TOGARAM2: variants seen among roughly 807,000 people sequenced by gnomAD.
TOGARAM2 encodes TOG array regulator of axonemal microtubules 2.
Under a neutral mutation model 93.3 loss-of-function variants are expected in TOGARAM2, and 85 were observed. The observed-to-expected ratio is 0.91, with a 90% CI of 0.76 to 1.09. The LOEUF (loss-of-function observed/expected upper bound fraction) is 1.09, where lower values mean the gene tolerates loss of function less well. TOGARAM2 is among the 50% of genes least tolerant of loss of function. The pLI is 0.00. For missense variants in TOGARAM2, 1,277 were observed against 1,334.5 expected, an observed-to-expected ratio of 0.96 and a Z score of 0.67; for synonymous variants, 593 against 552.8, an observed-to-expected ratio of 1.07 and a Z score of -1.02.
Position 29,022,246 on chromosome 2 carries a change from G to GCCTTTCTCGAA in TOGARAM2, c.1452_1462dup (p.Pro488LeufsTer9), listed in dbSNP as rs1665001851. On this transcript the variant is annotated frameshift_variant, in exon 11 of 20. Transcript: ENST00000379558. LOFTEE classifies it high-confidence loss of function. Reference sequence around the variant, plus strand: ...ATCTTAGAGCCTGTAAGGAGTTGAGGCCTTTCTCGAACCCGGAGCTGGGGC... The same window carrying GCCTTTCTCGAA: ...ATCTTAGAGCCTGTAAGGAGTTGAGGCCTTTCTCGAACCTTTCTCGAACCCGGAGCTGGGGC... 3.7e-6 allele frequency: 6 copies of GCCTTTCTCGAA among 1,614,038 alleles called. No individual in the cohort carries two copies. The highest frequency in any genetic ancestry group is 5.1e-6 in the Non-Finnish European group (6 of 1,179,890).
At chr2:28,980,519 G>A (rs1425203765), upstream of TOGARAM2, among the ~76,000 whole-genome samples, 1 of 152,222 alleles carries the variant, frequency 6.6e-6, no homozygotes, top group Non-Finnish European at 1.5e-5. Flanking sequence ...TGAGTCCTTG[G>A]CTTCCACTGT....
At chr2:29,034,691 C>T (rs531619990) in intron 16 of TOGARAM2, among the ~76,000 whole-genome samples, 1 of 152,232 alleles carries the variant, frequency 6.6e-6, no homozygotes, top group East Asian at 1.9e-4. Context: ...GGCTAGGGGG[C>T]TGTGATGGGC....
At chr2:28,979,108 C>T (rs948206635), upstream of TOGARAM2, among the ~76,000 whole-genome samples, 1 of 152,034 alleles carries the variant, frequency 6.6e-6, no homozygotes, top group Non-Finnish European at 1.5e-5. Context: ...GCCTGGCTGC[C>T]CTCCCCACCT....
At position 29,011,449 on chromosome 2, in the gene TOGARAM2, T is replaced by C; in HGVS notation, c.831-6T>C. 1 of 1,610,918 alleles carries C rather than the reference T, an allele frequency of 6.2e-7. No individual in the cohort carries two copies. The highest frequency in any genetic ancestry group is 8.5e-7 in the Non-Finnish European group (1 of 1,178,648). ...ATGATGCTTTTCTCTCCCCCGTTCT[T>C]TTAAGATTGGCTCGGGGGAGTGGGC... On this transcript the variant is annotated splice_region_variant and splice_polypyrimidine_tract_variant and intron_variant, in intron 6 of 19. Coordinates refer to ENST00000379558, the MANE Select transcript of TOGARAM2 (RefSeq NM_199280.4).
chr2:29,022,019 T>G (rs1222227645), intron 10 of TOGARAM2, 139 bp from the exon 11 acceptor site: 2 of 1,130,138 alleles, frequency 1.8e-6, no homozygotes, highest in East Asian at 4.7e-5. Flanking sequence ...CACCAGGCAC[T>G]TCCACTTGTA....
chr2:28,995,391 G>C (rs957297993), intron 2 of TOGARAM2, among the ~76,000 whole-genome samples: 3 of 152,212 alleles, frequency 2.0e-5, no homozygotes, highest in African/African-American at 7.2e-5. Context: ...GTGCTAGCAA[G>C]GTGCAGAGCT....
intron 1 of TOGARAM2, among the ~76,000 whole-genome samples, chr2:28,962,206 C>G (rs1487532249): frequency 2.0e-5 from 3 of 149,412 alleles, no homozygotes; most frequent in African/African-American, 7.4e-5. Context: ...GACAGAGTCT[C>G]GCTCTGTCAC....
In TOGARAM2 at chr2:29,003,586, C is replaced by A; in HGVS notation, c.734C>A (p.Thr245Lys). ...IVIPPIPKAR[T>K]VAATPSRVPG... ...ATCCCACCCATCCCAAAGGCCAGGA[C>A]GGTTGCAGCGACCCCCTCCCGTGTG... The change falls in exon 6 of 20, where the codon ACG becomes AAG. Residue 245 changes from threonine to lysine, a missense_variant. Physicochemically the swap from Thr to Lys is moderately conservative, Grantham distance 78 (BLOSUM62 -1). Coordinates refer to ENST00000379558, the MANE Select transcript of TOGARAM2 (RefSeq NM_199280.4). The A allele has an allele frequency of 6.3e-7, 1 of 1,595,554 alleles. No homozygotes were observed. Among genetic ancestry groups the A allele is most frequent in the South Asian group, 1.1e-5 (1 of 87,550 alleles).
rs780444375 is a variant in TOGARAM2, at chr2:28,999,432, AG to A, written c.393del (p.Arg132GlyfsTer38). 4 of 1,612,766 alleles carry A rather than the reference AG, an allele frequency of 2.5e-6. No individual in the cohort carries two copies. Among genetic ancestry groups the A allele is most frequent in the Non-Finnish European group, 1.7e-6 (2 of 1,179,402 alleles). ...CCAGATTAAGGACAAGCTCAAGAAAAGGAGGCTCTCAGAGGGCTTGGCAGCG... is the reference window on the plus strand; with the variant it reads ...CCAGATTAAGGACAAGCTCAAGAAAAGAGGCTCTCAGAGGGCTTGGCAGCG... ...TIQIKDKLKKRRLSEGLAASS... is the reference protein window; with the variant it reads ...TIQIKDKLKKXRLSEGLAASS... On this transcript the variant is annotated frameshift_variant, in exon 4 of 20. Coordinates refer to ENST00000379558, the MANE Select transcript of TOGARAM2 (RefSeq NM_199280.4). LOFTEE classifies it high-confidence loss of function.
chr2:28,987,404 C>T (rs7609290), intron 1 of TOGARAM2, among the ~76,000 whole-genome samples: 49,050 of 151,998 alleles, frequency 0.32, 9,804 homozygotes, highest in Middle Eastern at 0.5. Context: ...ATTCTCCTGC[C>T]TCAGCCTCCC....
intron 8 of TOGARAM2, 126 bp from the exon 9 acceptor site, chr2:29,017,028 A>C: frequency 1.7e-6 from 2 of 1,189,978 alleles, no homozygotes; most frequent in Non-Finnish European, 2.4e-6. Context: ...TTAAGGTGCA[A>C]GGAGTTTGTC....
upstream of TOGARAM2, among the ~76,000 whole-genome samples, chr2:28,979,400 C>T (rs1672085195): frequency 2.0e-5 from 3 of 152,190 alleles, no homozygotes; most frequent in Admixed American, 6.5e-5. Flanking sequence ...TATGAAAGAA[C>T]CAAGACTCAG....
intron 18 of TOGARAM2, among the ~76,000 whole-genome samples, chr2:29,041,414 G>T (rs1353850374): frequency 6.6e-6 from 1 of 152,192 alleles, no homozygotes; most frequent in Non-Finnish European, 1.5e-5. Flanking sequence ...TTCTTTAGAT[G>T]AACATCCCTA....
intron 18 of TOGARAM2, among the ~76,000 whole-genome samples, chr2:29,038,179 G>C (rs1666231415): frequency 6.6e-6 from 1 of 152,276 alleles, no homozygotes; most frequent in East Asian, 1.9e-4. Context: ...CCTGGGGGTG[G>C]CCTGCTTTTG....
At chr2:29,000,741 C>T (rs1673244270) in intron 4 of TOGARAM2, among the ~76,000 whole-genome samples, 1 of 152,128 alleles carries the variant, frequency 6.6e-6, no homozygotes, top group Admixed American at 6.5e-5. Context: ...CTCCCTGGAG[C>T]CGTGGGGTGT....
At chr2:29,036,259 G>A (rs1300150278) in intron 17 of TOGARAM2, among the ~76,000 whole-genome samples, 1 of 152,112 alleles carries the variant, frequency 6.6e-6, no homozygotes, top group Non-Finnish European at 1.5e-5. Context: ...TGCTCCATGG[G>A]TTGTTAAGAT....
chr2:28,959,547 A>T (rs1671772722), intron 1 of TOGARAM2, among the ~76,000 whole-genome samples: 1 of 152,144 alleles, frequency 6.6e-6, no homozygotes, highest in Admixed American at 6.6e-5. Context: ...AGGTCAGGAA[A>T]TCATGACCAT....
upstream of TOGARAM2, among the ~76,000 whole-genome samples, chr2:28,979,971 G>A (rs751652643): frequency 5.3e-5 from 8 of 152,166 alleles, no homozygotes; most frequent in East Asian, 1.9e-4. Flanking sequence ...TGGTTGAGTC[G>A]CTCTCACTCA....
At chr2:29,033,384 C>A (rs1665891742) in intron 15 of TOGARAM2, 85 bp from the exon 16 acceptor site, 1 of 1,246,508 alleles carries the variant, frequency 8.0e-7, no homozygotes. Context: ...GGGATTATTG[C>A]CATTGTTATG....
Sources: allele counts gnomAD v4.1 joint callset (sites outside exome capture counted in the v4.1 genomes callset), GRCh38; gene constraint gnomAD v4.1.1; transcripts MANE v1.5; gene names NCBI Gene and HGNC (gene_info 2026-07-23, HGNC 2026-07-21).